ACACB: variants seen among roughly 807,000 people sequenced by gnomAD.
ACACB encodes acetyl-CoA carboxylase 2.
A neutral mutation model predicts 278.8 loss-of-function variants in ACACB; 209 were observed. The ratio of observed to expected loss-of-function variants is 0.75; its 90% CI spans 0.67 to 0.84. ACACB has a LOEUF of 0.84. Ranked by LOEUF, ACACB falls within the 40% of genes least tolerant of loss-of-function variation. ACACB has a pLI of 0.00. For missense variants in ACACB, 2,850 were observed against 3,269.0 expected (o/e 0.87, Z 3.13); for synonymous variants, 1,174 against 1,285.6 (o/e 0.91, Z 1.86).
intron 11 of ACACB, among the ~76,000 whole-genome samples, chr12:109,180,349 C>T (rs2044424587): frequency 6.6e-6 from 1 of 152,240 alleles, no homozygotes; most frequent in Non-Finnish European, 1.5e-5. Context: ...CCTTTGGACA[C>T]ATTTTATATC....
At chr12:109,156,292 G>A (rs1030710730) in intron 2 of ACACB, among the ~76,000 whole-genome samples, 3 of 151,868 alleles carry the variant, frequency 2.0e-5, no homozygotes. Context: ...CGCTTTGGGA[G>A]GCCAAGGCAG....
At chr12:109,233,092 TCTAA>T (rs944497157) in intron 29 of ACACB, among the ~76,000 whole-genome samples, 4 of 152,200 alleles carry the variant, frequency 2.6e-5, no homozygotes, top group African/African-American at 9.7e-5. Context: ...CTATGTGCTT[TCTAA>T]CTAAGAGACT....
At chr12:109,188,195 TTCCTTCCTTCCTTCC>T (rs2044734469) in intron 13 of ACACB, 33 bp downstream of exon 13, 1 of 1,167,332 alleles carries the variant, frequency 8.6e-7, no homozygotes, top group African/African-American at 1.6e-5. Flanking sequence ...CCTTCCTTCC[TTCCTTCCTTCCTTCC>T]TTCCTTCCTT....
intron 1 of ACACB, among the ~76,000 whole-genome samples, chr12:109,127,421 G>GA (rs35642033): frequency 0.37 from 52,807 of 143,808 alleles, 9,432 homozygotes; most frequent in East Asian, 0.4. Context: ...TGTCTCTACA[G>GA]AAAAAAAAAA....
At chr12:109,189,484 C>T (rs2044785600) in intron 13 of ACACB, among the ~76,000 whole-genome samples, 1 of 152,170 alleles carries the variant, frequency 6.6e-6, no homozygotes, top group Admixed American at 6.5e-5. Flanking sequence ...TTCAACAGAA[C>T]TCACAGGCAG....
intron 9 of ACACB, among the ~76,000 whole-genome samples, chr12:109,178,408 C>A (rs1310560514): frequency 6.6e-6 from 1 of 152,128 alleles, no homozygotes; most frequent in African/African-American, 2.4e-5. Flanking sequence ...AAAAGACAAC[C>A]ACAGATTAGT....
Position 109,216,934 on chromosome 12 carries a change from G to C in ACACB, c.3564+14G>C, listed in dbSNP as rs768089099. ...ATCATGTTGATCGTAAGCAGGAAGA[G>C]GGCCTGTTACTAGACTGGGGGTGGG... On this transcript the variant is annotated intron_variant, in intron 24 of 52. Coordinates refer to ENST00000338432, the MANE Select transcript of ACACB (RefSeq NM_001093.4). The C allele has an allele frequency of 6.2e-7, 1 of 1,611,856 alleles. No individual in the cohort carries two copies. The highest frequency in any genetic ancestry group is 8.5e-7 in the Non-Finnish European group (1 of 1,179,532).
At chr12:109,111,279 G>A in the ACACB span, 1 of 152,350 alleles carries the variant, frequency 6.6e-6, no homozygotes, top group African/African-American at 2.4e-5. Context: ...ACGGCCTGAG[G>A]AAGGCATTTC....
chr12:109,243,262 G>A (rs1387801025), intron 37 of ACACB, among the ~76,000 whole-genome samples: 1 of 152,142 alleles, frequency 6.6e-6, no homozygotes, highest in Non-Finnish European at 1.5e-5. Flanking sequence ...TGGGAAAGAG[G>A]AGGGGGTCAC....
intron 24 of ACACB, among the ~76,000 whole-genome samples, chr12:109,222,256 G>T (rs1360531657): frequency 1.3e-5 from 2 of 151,242 alleles, no homozygotes; most frequent in African/African-American, 4.8e-5. Context: ...TTCTTACCAG[G>T]CATTTAGGGC....
intron 20 of ACACB, among the ~76,000 whole-genome samples, chr12:109,208,217 AT>A (rs36059668): frequency 0.23 from 31,691 of 138,712 alleles, 3,245 homozygotes; most frequent in East Asian, 0.4. Flanking sequence ...CCATTGCAAC[AT>A]TTTTTTTTTT....
chr12:109,156,816 A>G (rs978650670), intron 2 of ACACB, among the ~76,000 whole-genome samples: 1 of 152,112 alleles, frequency 6.6e-6, no homozygotes, highest in Non-Finnish European at 1.5e-5. Flanking sequence ...TCCATTGTGG[A>G]AGGCAGATGT....
At chr12:109,231,674 A>G (rs1220539170) in intron 28 of ACACB, among the ~76,000 whole-genome samples, 1 of 152,186 alleles carries the variant, frequency 6.6e-6, no homozygotes, top group Non-Finnish European at 1.5e-5. Context: ...GCAAGGATAC[A>G]AAGCAGTTAG....
At chr12:109,201,487 G>A in intron 18 of ACACB, 80 bp from the exon 19 acceptor site, 2 of 1,562,676 alleles carry the variant, frequency 1.3e-6, no homozygotes, top group South Asian at 2.3e-5. Context: ...GCGCGTCCCT[G>A]CTCCGGCATC....
rs371796559 is a variant in ACACB at position 109,222,609 on chromosome 12, A to G, written c.3667A>G (p.Arg1223Gly). The part of the protein sequence containing the change: ...SKSEHCKVAL[R>G]ARQILIASHL... The stretch of plus-strand genomic sequence containing the variant: ...AAGCGAGCACTGCAAAGTGGCCCTC[A>G]GAGCCCGGCAGGTAGGGTCTCAGGG... Residue 1223 changes from arginine to glycine, a missense_variant, in exon 25 of 53, where the codon AGA becomes GGA. Coordinates refer to ENST00000338432, the MANE Select transcript of ACACB (RefSeq NM_001093.4). 2 of 1,614,146 alleles carry G rather than the reference A, an allele frequency of 1.2e-6. No homozygotes were observed. Among genetic ancestry groups the G allele is most frequent in the Non-Finnish European group, 1.7e-6 (2 of 1,179,974 alleles).
upstream of ACACB, among the ~76,000 whole-genome samples, chr12:109,114,520 C>A (rs2042366212): frequency 6.6e-6 from 1 of 151,934 alleles, no homozygotes; most frequent in South Asian, 2.1e-4. Context: ...TTTCCAGGTG[C>A]CTTGTTTTGT....
At chr12:109,147,655 T>C (rs76222786) in intron 2 of ACACB, among the ~76,000 whole-genome samples, 1,793 of 152,192 alleles carry the variant, frequency 0.012, 35 homozygotes, top group African/African-American at 0.04. Context: ...TGGTCTCTGT[T>C]TTTCCCCACT....
At chr12:109,194,289 A>G (rs1297280855) in intron 16 of ACACB, among the ~76,000 whole-genome samples, 3 of 152,028 alleles carry the variant, frequency 2.0e-5, no homozygotes, top group Non-Finnish European at 4.4e-5. Flanking sequence ...TCCATCTCCC[A>G]GGTTCAAGCA....
intron 2 of ACACB, among the ~76,000 whole-genome samples, chr12:109,158,038 C>G (rs1237650885): frequency 6.6e-6 from 1 of 152,116 alleles, no homozygotes; most frequent in Non-Finnish European, 1.5e-5. Context: ...TTTGAAAAAT[C>G]TGGATGCCGG....
Sources: gnomAD v4.1 joint callset for allele counts (sites outside exome capture counted in the v4.1 genomes callset) on GRCh38, gnomAD v4.1.1 for gene constraint, MANE v1.5 for transcripts, NCBI Gene and HGNC (gene_info 2026-07-23, HGNC 2026-07-21) for gene names.